The following TMCO4 variants were observed in gnomAD, a reference collection of about 807,000 sequenced individuals.
The protein encoded by TMCO4 is transmembrane and coiled-coil domains 4, also known as transmembrane and coiled-coil domain-containing protein 4.
A neutral mutation model predicts 64.7 loss-of-function variants in TMCO4; 58 were observed. The observed-to-expected ratio is 0.90, with a 90% CI of 0.73 to 1.12. TMCO4 has a LOEUF of 1.12. Among genes scored for constraint, TMCO4 ranks in the 50% most tolerant of loss-of-function variants. The probability of loss-of-function intolerance (pLI) is 0.00; values close to 1 mark genes in which losing one functional copy is unlikely to be tolerated. For synonymous variants in TMCO4, 325 were observed against 346.1 expected (o/e 0.94, Z 0.68); for missense variants, 780 against 825.9 (o/e 0.94, Z 0.68).
intron 6 of TMCO4, among the ~76,000 whole-genome samples, chr1:19,760,913 A>G (rs1473688): frequency 0.3 from 45,822 of 152,208 alleles, 7,083 homozygotes; most frequent in East Asian, 0.38. Context: ...ATCCAAATGC[A>G]GGGGACAGTT....
intron 13 of TMCO4, 97 bp from the exon 14 acceptor site, chr1:19,700,982 ATACACATG>A (rs768452760): frequency 1.5e-4 from 138 of 909,170 alleles, no homozygotes; most frequent in Middle Eastern, 6.6e-4. Context: ...TGTCACACAC[ATACACATG>A]CACACACGTG....
intron 15 of TMCO4, among the ~76,000 whole-genome samples, chr1:19,692,888 T>C (rs912851678): frequency 2.6e-5 from 4 of 151,210 alleles, no homozygotes; most frequent in Middle Eastern, 6.9e-3. Flanking sequence ...AAAACTGAAG[T>C]TGGTCAGGCA....
At chr1:19,729,279 A>T (rs1218779853) in intron 13 of TMCO4, among the ~76,000 whole-genome samples, 1 of 151,848 alleles carries the variant, frequency 6.6e-6, no homozygotes, top group African/African-American at 2.4e-5. Context: ...CCTGCCAAGT[A>T]GCGGGGAATA....
intron 7 of TMCO4, among the ~76,000 whole-genome samples, chr1:19,752,116 T>C (rs191815221): frequency 1.3e-3 from 198 of 152,268 alleles, no homozygotes; most frequent in Non-Finnish European, 2.2e-3. Context: ...ATTGCAGCAC[T>C]ATACTCTTGC....
intron 13 of TMCO4, among the ~76,000 whole-genome samples, chr1:19,703,923 G>A (rs544981304): frequency 3.0e-4 from 46 of 152,252 alleles, no homozygotes; most frequent in African/African-American, 1.1e-3. Context: ...AAATGTTCCC[G>A]GCTGGGACAG....
At chr1:19,713,238 TG>T (rs2095339809) in intron 13 of TMCO4, among the ~76,000 whole-genome samples, 1 of 151,760 alleles carries the variant, frequency 6.6e-6, no homozygotes, top group Admixed American at 6.6e-5. Context: ...CAGGCAGGGG[TG>T]GGAATTATGG....
chr1:19,771,652 T>C (rs996851914), intron 4 of TMCO4, among the ~76,000 whole-genome samples, 170 bp from the exon 5 acceptor site: 21 of 152,010 alleles, frequency 1.4e-4, no homozygotes, highest in African/African-American at 4.6e-4. Flanking sequence ...GTGATGTAAA[T>C]TTTGTTTTTT....
intron 13 of TMCO4, among the ~76,000 whole-genome samples, chr1:19,707,773 A>T (rs1160145041): frequency 6.6e-6 from 1 of 152,184 alleles, no homozygotes; most frequent in Non-Finnish European, 1.5e-5. Context: ...GAGAGGTTTA[A>T]TTGACTCACA....
chr1:19,781,055 T>C (rs1488841287), intron 3 of TMCO4, among the ~76,000 whole-genome samples: 2 of 150,794 alleles, frequency 1.3e-5, no homozygotes. Flanking sequence ...GGCAAAAGAC[T>C]TGAATAGATA....
intron 2 of TMCO4, among the ~76,000 whole-genome samples, chr1:19,795,897 G>C (rs1340182923): frequency 2.0e-5 from 3 of 152,268 alleles, no homozygotes; most frequent in East Asian, 3.9e-4. Flanking sequence ...ACCTGTGGAC[G>C]GGCCTAACCT....
intron 3 of TMCO4, among the ~76,000 whole-genome samples, 154 bp downstream of exon 3, chr1:19,786,872 C>T (rs932893899): frequency 1.3e-5 from 2 of 152,122 alleles, no homozygotes; most frequent in African/African-American, 4.8e-5. Flanking sequence ...CACGTATTAG[C>T]CCTACTACAG....
At chr1:19,776,888 A>G (rs1001476960) in intron 4 of TMCO4, among the ~76,000 whole-genome samples, 11 of 152,170 alleles carry the variant, frequency 7.2e-5, no homozygotes, top group African/African-American at 2.6e-4. Flanking sequence ...TTAGCCAGGC[A>G]TGGTGGCGTG....
At chr1:19,765,838 A>G (rs1020121422) in intron 6 of TMCO4, among the ~76,000 whole-genome samples, 7 of 152,152 alleles carry the variant, frequency 4.6e-5, no homozygotes, top group Non-Finnish European at 1.0e-4. Flanking sequence ...TTTTCATGCT[A>G]ATTTCCTGGG....
At chr1:19,691,442 C>T (rs933849696) in intron 15 of TMCO4, among the ~76,000 whole-genome samples, 1 of 152,214 alleles carries the variant, frequency 6.6e-6, no homozygotes, top group African/African-American at 2.4e-5. Context: ...TTATGGACAG[C>T]AGCACCTGGT....
chr1:19,765,298 T>C (rs2281246), intron 6 of TMCO4, among the ~76,000 whole-genome samples: 59,851 of 152,032 alleles, frequency 0.39, 11,781 homozygotes, highest in East Asian at 0.41. Context: ...GCAGATCTGA[T>C]GATCATCTAC....
At chr1:19,689,436 T>G (rs974183047) in intron 15 of TMCO4, among the ~76,000 whole-genome samples, 1 of 152,138 alleles carries the variant, frequency 6.6e-6, no homozygotes. Context: ...CGGGAGGGAC[T>G]AGGATTAAAG....
chr1:19,757,521 T>C (rs1327198599), intron 6 of TMCO4, among the ~76,000 whole-genome samples: 2 of 152,180 alleles, frequency 1.3e-5, no homozygotes, highest in African/African-American at 4.8e-5. Flanking sequence ...CCTTTTGCCA[T>C]GTAGGGTAAC....
intron 1 of TMCO4, chr1:19,799,323 C>G (rs1057206564): frequency 2.6e-5 from 4 of 152,284 alleles, no homozygotes; most frequent in Admixed American, 6.5e-5. Context: ...GCTCCCCAAG[C>G]CCTCCTGGAA....
chr1:19,775,142 G>GC, intron 4 of TMCO4, among the ~76,000 whole-genome samples: 1 of 152,290 alleles, frequency 6.6e-6, no homozygotes, highest in East Asian at 1.9e-4. Flanking sequence ...TTGGCTCACT[G>GC]CATCCTCTGC....
Sources: allele counts gnomAD v4.1 joint callset (sites outside exome capture counted in the v4.1 genomes callset), GRCh38; gene constraint gnomAD v4.1.1; transcripts MANE v1.5; gene names NCBI Gene and HGNC (gene_info 2026-07-23, HGNC 2026-07-21).